The following EMCN variants were observed in gnomAD, a reference collection of about 807,000 sequenced individuals.
EMCN encodes MUC-14.
Under a neutral mutation model 38.4 loss-of-function variants are expected in EMCN, and 37 were observed. The ratio of observed to expected loss-of-function variants is 0.96; its 90% confidence interval spans 0.74 to 1.27. EMCN has a LOEUF of 1.27. EMCN is among the 50% of genes most tolerant of loss of function. The pLI is 0.00. For synonymous variants in EMCN, 95 were observed against 100.8 expected (o/e 0.94, Z 0.35); for missense variants, 318 against 302.8 (o/e 1.05, Z -0.37).
chr4:100,481,740 C>G (rs954966578), intron 1 of EMCN, among the ~76,000 whole-genome samples: 2 of 152,078 alleles, frequency 1.3e-5, no homozygotes, highest in African/African-American at 4.8e-5. Flanking sequence ...ACCACTTAGA[C>G]AGGAAAATTC....
chr4:100,424,545 G>A (rs940925827), intron 5 of EMCN, among the ~76,000 whole-genome samples: 2 of 152,056 alleles, frequency 1.3e-5, no homozygotes, highest in Non-Finnish European at 2.9e-5. Context: ...ATCCCAGCAC[G>A]CACTGCATGC....
At chr4:100,427,799 C>T (rs1727092275) in intron 5 of EMCN, among the ~76,000 whole-genome samples, 1 of 152,146 alleles carries the variant, frequency 6.6e-6, no homozygotes, top group South Asian at 2.1e-4. Flanking sequence ...AAGTAATAGA[C>T]ATTTTAAACC....
intron 5 of EMCN, chr4:100,445,976 G>T: frequency 1.3e-6 from 1 of 752,060 alleles, no homozygotes; most frequent in Non-Finnish European, 1.6e-6. Context: ...GCCTAAATGA[G>T]CTTTTGTTCC....
intron 5 of EMCN, chr4:100,446,226 C>G (rs1400285219): frequency 6.1e-6 from 6 of 984,730 alleles, no homozygotes; most frequent in Non-Finnish European, 7.2e-6. Context: ...TGTTTTTCCT[C>G]TAGTGCCTGC....
chr4:100,401,810 C>A (rs1726267751), intron 11 of EMCN, among the ~76,000 whole-genome samples: 1 of 152,098 alleles, frequency 6.6e-6, no homozygotes, highest in Admixed American at 6.6e-5. Context: ...TCTGAAACCC[C>A]CTTCACTCTT....
intron 5 of EMCN, among the ~76,000 whole-genome samples, chr4:100,427,247 T>A (rs1288254372): frequency 6.6e-6 from 1 of 152,044 alleles, no homozygotes; most frequent in Non-Finnish European, 1.5e-5. Context: ...TTCCTCCTCT[T>A]ATTTCTTTTT....
intron 3 of EMCN, among the ~76,000 whole-genome samples, chr4:100,474,492 T>C (rs1039001417): frequency 6.6e-6 from 1 of 152,124 alleles, no homozygotes; most frequent in Non-Finnish European, 1.5e-5. Flanking sequence ...CAATTCGGCC[T>C]CAAGACATAT....
intron 1 of EMCN, among the ~76,000 whole-genome samples, chr4:100,507,306 T>G (rs757238993): frequency 5.3e-5 from 8 of 152,204 alleles, no homozygotes; most frequent in Non-Finnish European, 1.0e-4. Flanking sequence ...TTTCAGCACT[T>G]TGACTAATAT....
intron 1 of EMCN, among the ~76,000 whole-genome samples, chr4:100,512,546 T>G (rs1429572136): frequency 2.0e-5 from 3 of 152,188 alleles, no homozygotes; most frequent in Non-Finnish European, 1.5e-5. Context: ...GGCTCATGCC[T>G]GTAATCCCAG....
At position 100,479,821 on chromosome 4, in the gene EMCN, T is replaced by C. The variant is rs895133617; in HGVS notation, c.187+96A>G. ...AGCACTGACCTTTATAACAATCAGATATAAGATCCCGAATTATTTTTTCAT... is the reference window on the plus strand; with the variant it reads ...AGCACTGACCTTTATAACAATCAGACATAAGATCCCGAATTATTTTTTCAT... On this transcript the variant is annotated intron_variant, in intron 2 of 11. Coordinates refer to ENST00000296420, the MANE Select transcript of EMCN (RefSeq NM_016242.4). 3.4e-5 allele frequency: 35 copies of C among 1,017,934 alleles called. No homozygotes were observed. The African/African-American group carries it at 5.7e-4, about 16-fold the overall frequency. 63.1% of individuals were successfully genotyped at this position (1,017,934 alleles called of 1,614,324 possible).
chr4:100,469,271 C>A (rs987250057), intron 3 of EMCN, among the ~76,000 whole-genome samples: 4 of 152,046 alleles, frequency 2.6e-5, no homozygotes, highest in Admixed American at 1.3e-4. Context: ...TATCTGAAAT[C>A]ATAAACCTCC....
At chr4:100,407,727 C>T (rs1208523223) in intron 11 of EMCN, among the ~76,000 whole-genome samples, 1 of 152,118 alleles carries the variant, frequency 6.6e-6, no homozygotes, top group African/African-American at 2.4e-5. Context: ...TATATAGTAT[C>T]TTGCTGGGGT....
intron 1 of EMCN, among the ~76,000 whole-genome samples, chr4:100,496,263 A>G (rs1292186819): frequency 6.6e-6 from 1 of 152,146 alleles, no homozygotes; most frequent in African/African-American, 2.4e-5. Context: ...TAAAGATTGA[A>G]GTAAAATATA....
At chr4:100,459,201 C>A in intron 4 of EMCN, among the ~76,000 whole-genome samples, 1 of 33,368 alleles carries the variant, frequency 3.0e-5, no homozygotes, top group African/African-American at 1.8e-4. Context: ...CTCTCTCTCT[C>A]TCTCTCTCTC....
intron 5 of EMCN, among the ~76,000 whole-genome samples, chr4:100,432,465 G>A (rs921255401): frequency 2.0e-5 from 3 of 152,032 alleles, no homozygotes; most frequent in African/African-American, 4.8e-5. Context: ...CTAATGGCAG[G>A]TTCCATGTAT....
At chr4:100,438,511 A>G (rs1727417671) in intron 5 of EMCN, among the ~76,000 whole-genome samples, 3 of 152,092 alleles carry the variant, frequency 2.0e-5, no homozygotes, top group South Asian at 4.2e-4. Flanking sequence ...GAATCATTAC[A>G]CATAAGATTA....
chr4:100,503,387 T>G (rs952678820), intron 1 of EMCN, among the ~76,000 whole-genome samples: 2 of 152,160 alleles, frequency 1.3e-5, no homozygotes, highest in Non-Finnish European at 2.9e-5. Flanking sequence ...TATCTATTTA[T>G]TATACTTATA....
At chr4:100,428,827 A>G (rs149136632) in intron 5 of EMCN, among the ~76,000 whole-genome samples, 6 of 152,312 alleles carry the variant, frequency 3.9e-5, no homozygotes, top group African/African-American at 1.4e-4. Context: ...AATACAACAG[A>G]GTATGAGAGG....
chr4:100,453,302 A>G (rs532964490), intron 4 of EMCN, among the ~76,000 whole-genome samples: 25 of 152,196 alleles, frequency 1.6e-4, no homozygotes, highest in Non-Finnish European at 3.5e-4. Flanking sequence ...CAGAATCTAC[A>G]ATGAACTCAA....
Sources: gnomAD v4.1 joint callset for allele counts (sites outside exome capture counted in the v4.1 genomes callset) on GRCh38, gnomAD v4.1.1 for gene constraint, MANE v1.5 for transcripts, NCBI Gene and HGNC (gene_info 2026-07-23, HGNC 2026-07-21) for gene names.